The following SNTG1 variants were observed in gnomAD, a reference collection of about 807,000 sequenced individuals.
The protein encoded by SNTG1 is syntrophin gamma 1, also known as gamma-1-syntrophin.
In SNTG1, 39 loss-of-function variants were observed where a neutral mutation model predicts 74.7. That is an observed-to-expected ratio of 0.52 (90% CI 0.40 to 0.68). The LOEUF is 0.68. SNTG1 is among the 30% of genes least tolerant of loss of function. The probability of loss-of-function intolerance (pLI) is 0.00; values close to 1 mark genes in which losing one functional copy is unlikely to be tolerated. For synonymous variants in SNTG1, 254 were observed against 217.1 expected (o/e 1.17, Z -1.49); for missense variants, 685 against 609.5 (o/e 1.12, Z -1.30).
chr8:50,039,333 T>C (rs1410176480), intron 1 of SNTG1, among the ~76,000 whole-genome samples: 3 of 151,698 alleles, frequency 2.0e-5, no homozygotes, highest in Non-Finnish European at 4.4e-5. Flanking sequence ...CGGGCGCCTG[T>C]AGTCCCAGCT....
intron 2 of SNTG1, among the ~76,000 whole-genome samples, chr8:50,243,481 C>T (rs1313909370): frequency 1.3e-5 from 2 of 152,034 alleles, no homozygotes; most frequent in Admixed American, 6.6e-5. Flanking sequence ...AAAAACTCTC[C>T]GGATTTGAAG....
chr8:50,499,005 T>C (rs1208588964), intron 8 of SNTG1, among the ~76,000 whole-genome samples: 1 of 151,772 alleles, frequency 6.6e-6, no homozygotes, highest in African/African-American at 2.4e-5. Context: ...ACACAATGTC[T>C]TGATGATTAT....
chr8:50,744,602 C>G (rs61072012), intron 17 of SNTG1, among the ~76,000 whole-genome samples: 3,859 of 151,976 alleles, frequency 0.025, 167 homozygotes, highest in African/African-American at 0.088. Context: ...CCAAAACAAT[C>G]TTGAAAAAGA....
intron 9 of SNTG1, among the ~76,000 whole-genome samples, chr8:50,514,397 T>A (rs2094113865): frequency 6.6e-6 from 1 of 152,192 alleles, no homozygotes; most frequent in African/African-American, 2.4e-5. Context: ...TTTTGCTGCA[T>A]CCCATGAATT....
At chr8:49,915,893 C>G (rs1232778734) in intron 1 of SNTG1, among the ~76,000 whole-genome samples, 2 of 152,106 alleles carry the variant, frequency 1.3e-5, no homozygotes, top group East Asian at 3.9e-4. Flanking sequence ...TCATAGGCCT[C>G]TTTAGGACAT....
At chr8:50,466,280 G>A (rs1356547655) in intron 8 of SNTG1, among the ~76,000 whole-genome samples, 1 of 151,900 alleles carries the variant, frequency 6.6e-6, no homozygotes, top group South Asian at 2.1e-4. Flanking sequence ...CTTTCTAATA[G>A]TTTCAGCACA....
At chr8:50,597,120 T>A (rs1323834784) in intron 13 of SNTG1, among the ~76,000 whole-genome samples, 4 of 151,816 alleles carry the variant, frequency 2.6e-5, no homozygotes, top group Non-Finnish European at 1.5e-5. Flanking sequence ...TCTACTTGTA[T>A]GAGATCAACT....
intron 1 of SNTG1, among the ~76,000 whole-genome samples, chr8:49,927,494 TAAG>T (rs1305651186): frequency 3.3e-5 from 5 of 152,144 alleles, no homozygotes; most frequent in African/African-American, 1.2e-4. Context: ...TTAACTTACT[TAAG>T]AAGTTGAGAA....
intron 1 of SNTG1, among the ~76,000 whole-genome samples, chr8:49,918,698 G>A (rs1211742261): frequency 6.6e-6 from 1 of 151,996 alleles, no homozygotes; most frequent in African/African-American, 2.4e-5. Flanking sequence ...GCTTTGGTTT[G>A]ATATATGGCA....
chr8:50,497,009 T>G (rs1219632106), intron 8 of SNTG1, among the ~76,000 whole-genome samples: 1 of 149,926 alleles, frequency 6.7e-6, no homozygotes, highest in Non-Finnish European at 1.5e-5. Context: ...TCAATCCTAT[T>G]CCCTGAAAAG....
At chr8:50,486,843 G>A (rs1194416596) in intron 8 of SNTG1, among the ~76,000 whole-genome samples, 1 of 152,092 alleles carries the variant, frequency 6.6e-6, no homozygotes. Context: ...CTAATTTATT[G>A]AGAGTTTTTA....
intron 18 of SNTG1, among the ~76,000 whole-genome samples, chr8:50,777,110 G>C (rs1321645639): frequency 6.6e-6 from 1 of 151,326 alleles, no homozygotes; most frequent in African/African-American, 2.4e-5. Context: ...TAAATCTATA[G>C]GATGTATTCT....
chr8:50,014,290 T>G (rs1032770623), intron 1 of SNTG1, among the ~76,000 whole-genome samples: 1 of 152,150 alleles, frequency 6.6e-6, no homozygotes, highest in Admixed American at 6.6e-5. Flanking sequence ...CTATTTGATT[T>G]GACCCACAGC....
At chr8:50,524,892 A>T (rs2094208012) in intron 9 of SNTG1, among the ~76,000 whole-genome samples, 1 of 152,140 alleles carries the variant, frequency 6.6e-6, no homozygotes, top group Non-Finnish European at 1.5e-5. Flanking sequence ...TTTATCATTT[A>T]AATTCTGTAC....
intron 18 of SNTG1, among the ~76,000 whole-genome samples, chr8:50,753,546 T>C (rs889308158): frequency 6.6e-6 from 1 of 151,964 alleles, no homozygotes; most frequent in African/African-American, 2.4e-5. Flanking sequence ...ACAAGAGTGA[T>C]AAATGCAATC....
chr8:50,548,876 AG>A (rs1230636939), intron 11 of SNTG1, among the ~76,000 whole-genome samples: 1 of 152,194 alleles, frequency 6.6e-6, no homozygotes, highest in Non-Finnish European at 1.5e-5. Context: ...TAAGAAGTCC[AG>A]TCGATAGTCT....
At chr8:50,536,147 G>A (rs1247840903) in intron 10 of SNTG1, among the ~76,000 whole-genome samples, 1 of 152,108 alleles carries the variant, frequency 6.6e-6, no homozygotes, top group Non-Finnish European at 1.5e-5. Flanking sequence ...TGAACATGAA[G>A]TTAGAAAAAG....
Position 50,290,741 on chromosome 8 carries a change from T to G in SNTG1, c.-27-103471T>G, listed in dbSNP as rs1375831531. On this transcript the variant is annotated intron_variant, in intron 2 of 18. Transcript: ENST00000642720. ...CTCATTTAAACATTTTTAAATTTTTTGGGATTTATTTATTTTGTTTTGTTT... is the reference window on the plus strand; with the variant it reads ...CTCATTTAAACATTTTTAAATTTTTGGGGATTTATTTATTTTGTTTTGTTT... 1.4e-4 allele frequency among the ~76,000 whole-genome samples: 22 copies of G among 152,252 alleles called. No homozygotes were observed. In the East Asian group the frequency reaches 1.7e-3, roughly 12 times the overall value.
chr8:50,193,563 C>T (rs977279297), intron 2 of SNTG1, among the ~76,000 whole-genome samples: 2 of 152,156 alleles, frequency 1.3e-5, no homozygotes, highest in African/African-American at 4.8e-5. Flanking sequence ...ATTCTAGGAG[C>T]TTTCTGGAGG....
Sources: allele counts gnomAD v4.1 joint callset (sites outside exome capture counted in the v4.1 genomes callset), GRCh38; gene constraint gnomAD v4.1.1; transcripts MANE v1.5; gene names NCBI Gene and HGNC (gene_info 2026-07-23, HGNC 2026-07-21).